Variants in ATP9B observed in about 807,000 individuals in gnomAD.
ATP9B encodes ATPase phospholipid transporting 9B.
A neutral mutation model predicts 146.1 loss-of-function variants in ATP9B; 110 were observed. That is an observed-to-expected ratio of 0.75 (90% CI 0.65 to 0.88). The LOEUF is 0.88. Among genes scored for constraint, ATP9B ranks in the 40% least tolerant of loss-of-function variants. The probability of loss-of-function intolerance (pLI) is 0.00; values close to 1 mark genes in which losing one functional copy is unlikely to be tolerated. For missense variants in ATP9B, 1,499 were observed against 1,496.4 expected, an observed-to-expected ratio of 1.00 and a Z score of -0.03; for synonymous variants, 604 against 569.7, an observed-to-expected ratio of 1.06 and a Z score of -0.86.
intron 15 of ATP9B, among the ~76,000 whole-genome samples, chr18:79,317,672 G>A (rs1470090502): frequency 1.3e-5 from 2 of 152,186 alleles, no homozygotes; most frequent in South Asian, 2.1e-4. Context: ...ACAGGTAAAG[G>A]TGCTGATTTA....
chr18:79,345,908 G>A, intron 23 of ATP9B, 69 bp downstream of exon 23: 1 of 1,554,994 alleles, frequency 6.4e-7, no homozygotes, highest in Non-Finnish European at 8.8e-7. Flanking sequence ...AGCACATGCT[G>A]GGCCACTGTA....
chr18:79,215,814 C>A (rs1231569471), intron 11 of ATP9B, among the ~76,000 whole-genome samples: 1 of 152,020 alleles, frequency 6.6e-6, no homozygotes, highest in Non-Finnish European at 1.5e-5. Context: ...CTCAGCCTTG[C>A]GAGTAGCTGG....
intron 1 of ATP9B, among the ~76,000 whole-genome samples, chr18:79,071,939 A>ATTATTTC (rs2071892747): frequency 7.9e-6 from 1 of 125,856 alleles, no homozygotes; most frequent in East Asian, 2.3e-4. Flanking sequence ...GTTTTTAGCC[A>ATTATTTC]TTATTTCTTC....
chr18:79,093,219 A>AT (rs1159354811), intron 1 of ATP9B, among the ~76,000 whole-genome samples: 3 of 152,076 alleles, frequency 2.0e-5, no homozygotes, highest in African/African-American at 7.2e-5. Flanking sequence ...TTTACTTTTA[A>AT]TCTTTTAAAG....
At chr18:79,375,293 T>A in intron 28 of ATP9B, 101 bp from the exon 29 acceptor site, 1 of 1,104,502 alleles carries the variant, frequency 9.1e-7, no homozygotes, top group Non-Finnish European at 1.3e-6. Context: ...TGCCATTTTA[T>A]TGCTTTTTAA....
intron 10 of ATP9B, among the ~76,000 whole-genome samples, chr18:79,207,982 A>G (rs943602383): frequency 6.6e-6 from 1 of 152,152 alleles, no homozygotes; most frequent in African/African-American, 2.4e-5. Context: ...GCGGGGGCTC[A>G]CGCCTGGAAT....
chr18:79,096,691 T>C, intron 2 of ATP9B, 42 bp downstream of exon 2: 1 of 1,514,056 alleles, frequency 6.6e-7, no homozygotes, highest in Non-Finnish European at 9.0e-7. Context: ...TATGCTAAGG[T>C]TACTTATAAG....
chr18:79,150,134 A>G (rs1389088193), intron 6 of ATP9B, among the ~76,000 whole-genome samples: 1 of 152,208 alleles, frequency 6.6e-6, no homozygotes, highest in African/African-American at 2.4e-5. Flanking sequence ...ATCATTAGTC[A>G]TCAGGAAATG....
intron 12 of ATP9B, among the ~76,000 whole-genome samples, chr18:79,274,065 A>T (rs1261057362): frequency 2.6e-5 from 4 of 152,210 alleles, no homozygotes; most frequent in Non-Finnish European, 5.9e-5. Flanking sequence ...TAACAATTTC[A>T]CAGTTGCTAA....
intron 8 of ATP9B, among the ~76,000 whole-genome samples, chr18:79,185,539 A>C (rs922537546): frequency 6.6e-6 from 1 of 152,214 alleles, no homozygotes; most frequent in African/African-American, 2.4e-5. Flanking sequence ...TGCTGTTACC[A>C]CACCACCAAA....
In ATP9B at chr18:79,371,512, C is replaced by T. The variant is rs1025149593; in HGVS notation, c.3013-1313C>T. On this transcript the variant is annotated intron_variant, in intron 26 of 29. Coordinates refer to ENST00000426216, the MANE Select transcript of ATP9B (RefSeq NM_198531.5). ...CACTGACTCTTGCAGCCTAGGAAAA[C>T]ACTTAACATATGTCACCACACTTGT... 3.3e-5 allele frequency among the ~76,000 whole-genome samples: 5 copies of T among 151,726 alleles called. No individual in the cohort carries two copies. The East Asian group carries it at 5.8e-4, about 18-fold the overall frequency.
rs138018380 is a variant in ATP9B, at chr18:79,347,871, G to A, written c.2784G>A (p.Ser928=). The A allele has an allele frequency of 5.6e-6, 9 of 1,613,752 alleles. No homozygotes were observed. The highest frequency in any genetic ancestry group is 5.3e-5 in the African/African-American group (4 of 74,880). Residue 928 remains serine (S), a synonymous_variant, in exon 24 of 30, where the codon TCG becomes TCA. Coordinates refer to ENST00000426216, the MANE Select transcript of ATP9B (RefSeq NM_198531.5). ...MVHGRNSYKR[S]AALGQFVMHR... ...ACGGGCGGAACAGCTACAAGAGGTC[G>A]GCGGCACTCGGCCAGTTCGTCATGC...
In ATP9B at chr18:79,118,390, G is replaced by GGTTTTTTTTTTTTTTTTTTTTTTT. The variant is rs1555689295; in HGVS notation, c.558+5036_558+5037insGTTTTTTTTTTTTTTTTTTTTTTT. ...AAACACAATCATATTGAACGTTTTT[G>GGTTTTTTTTTTTTTTTTTTTTTTT]TTTTTTTTTTTTTTTTTTTTTTTTT... On this transcript the variant is annotated intron_variant, in intron 4 of 29. Transcript: ENST00000426216. Among the ~76,000 whole-genome samples the GGTTTTTTTTTTTTTTTTTTTTTTT allele has an allele frequency of 8.6e-5, 8 of 93,236 alleles. 3 individuals are homozygous for GGTTTTTTTTTTTTTTTTTTTTTTT. The highest frequency in any genetic ancestry group is 8.7e-5 in the Non-Finnish European group (4 of 46,064). 61.2% of individuals were successfully genotyped at this position (93,236 alleles called of 152,430 possible). A position where few individuals can be genotyped will look rare whatever the true frequency, so the allele number is the denominator to read the frequency against.
At chr18:79,252,503 C>T (rs1488011012) in intron 11 of ATP9B, among the ~76,000 whole-genome samples, 1 of 152,194 alleles carries the variant, frequency 6.6e-6, no homozygotes, top group Non-Finnish European at 1.5e-5. Context: ...AGAAACAGTC[C>T]ATAGCGATTG....
chr18:79,301,798 T>TA (rs1311865065), intron 13 of ATP9B, among the ~76,000 whole-genome samples: 1 of 152,232 alleles, frequency 6.6e-6, no homozygotes, highest in African/African-American at 2.4e-5. Context: ...CTCAGGTAGA[T>TA]AGTTAGCTGC....
At position 79,256,286 on chromosome 18, in the gene ATP9B, T is replaced by C. The variant is rs188415592; in HGVS notation, c.1268+2745T>C. On this transcript the variant is annotated intron_variant, in intron 12 of 29. Transcript: ENST00000426216. ...ATATATATATATATATATATATATA[T>C]ACATACATAGTGAGGCTATGTTATT... Among the ~76,000 whole-genome samples the C allele has an allele frequency of 9.2e-3, 1,129 of 122,858 alleles. 64 individuals carry two copies. The highest frequency in any genetic ancestry group is 0.03 in the African/African-American group (921 of 30,640). The allele number at this position is 122,858 out of a possible 152,430, so 80.6% of individuals were successfully genotyped here.
chr18:79,312,695 T>C (rs952427573), intron 15 of ATP9B, among the ~76,000 whole-genome samples: 1 of 152,262 alleles, frequency 6.6e-6, no homozygotes, highest in Non-Finnish European at 1.5e-5. Flanking sequence ...GTAAAACACA[T>C]CTGTAGGAAT....
intron 11 of ATP9B, among the ~76,000 whole-genome samples, chr18:79,236,747 T>TG (rs1156681014): frequency 6.6e-6 from 1 of 151,266 alleles, no homozygotes; most frequent in Non-Finnish European, 1.5e-5. Flanking sequence ...CCTTCCCCAC[T>TG]GTGTGCACGG....
intron 23 of ATP9B, 47 bp from the exon 24 acceptor site, chr18:79,347,723 T>C (rs773150102): frequency 6.7e-7 from 1 of 1,491,278 alleles, no homozygotes; most frequent in Non-Finnish European, 8.9e-7. Flanking sequence ...GAGTCTGATT[T>C]CCAGCGTCCG....
Sources: gnomAD v4.1 joint callset for allele counts (sites outside exome capture counted in the v4.1 genomes callset) on GRCh38, gnomAD v4.1.1 for gene constraint, MANE v1.5 for transcripts, NCBI Gene and HGNC (gene_info 2026-07-23, HGNC 2026-07-21) for gene names.